CFAP251: variants seen among roughly 807,000 people sequenced by gnomAD.
CFAP251 encodes the protein cilia- and flagella-associated protein 251.
Under a neutral mutation model 126.7 loss-of-function variants are expected in CFAP251, and 93 were observed. The ratio of observed to expected loss-of-function variants is 0.73; its 90% CI spans 0.62 to 0.87. CFAP251 has a LOEUF of 0.87. Ranked by LOEUF, CFAP251 falls within the 40% of genes least tolerant of loss-of-function variation. CFAP251 has a pLI of 0.00. For missense variants in CFAP251, 1,287 were observed against 1,389.2 expected (o/e 0.93, Z 1.17); for synonymous variants, 503 against 506.9 (o/e 0.99, Z 0.10).
At chr12:121,971,517 A>C in intron 17 of CFAP251, 1 of 702,404 alleles carries the variant, frequency 1.4e-6, no homozygotes, top group Non-Finnish European at 2.6e-6. Flanking sequence ...CGGGGCCTGC[A>C]CTGAGTGAGT....
chr12:121,942,441 GA>G, intron 5 of CFAP251, 92 bp from the exon 6 acceptor site: 1 of 747,738 alleles, frequency 1.3e-6, no homozygotes, highest in Non-Finnish European at 2.2e-6. Flanking sequence ...TTCTGTTTTG[GA>G]GAGGTTTGGG....
intron 3 of CFAP251, among the ~76,000 whole-genome samples, chr12:121,931,333 CT>C (rs35299941): frequency 6.6e-6 from 1 of 151,960 alleles, no homozygotes; most frequent in Non-Finnish European, 1.5e-5. Flanking sequence ...CCATCTTAAC[CT>C]TTTTTTCTCA....
chr12:122,001,625 T>C (rs1056930181), intron 21 of CFAP251, 27 bp downstream of exon 21: 4 of 1,569,332 alleles, frequency 2.5e-6, no homozygotes, highest in African/African-American at 1.4e-5. Flanking sequence ...TGTCTGGGCA[T>C]GTAGCTGTGG....
chr12:121,940,893 G>GCA (rs149448528), intron 5 of CFAP251, among the ~76,000 whole-genome samples: 12 of 151,604 alleles, frequency 7.9e-5, no homozygotes, highest in East Asian at 1.9e-4. Flanking sequence ...ACATACACAC[G>GCA]CACACACACA....
At chr12:121,924,555 C>A (rs545163310) in intron 3 of CFAP251, among the ~76,000 whole-genome samples, 1 of 152,002 alleles carries the variant, frequency 6.6e-6, no homozygotes, top group East Asian at 1.9e-4. Context: ...GCCTCAGCCT[C>A]CCAAGTAGCT....
chr12:121,931,383 GC>G (rs1880681453), intron 3 of CFAP251, among the ~76,000 whole-genome samples: 1 of 150,604 alleles, frequency 6.6e-6, no homozygotes, highest in African/African-American at 2.5e-5. Context: ...CGCGATCTCG[GC>G]TCACTGCAAC....
chr12:121,969,646 T>G, intron 17 of CFAP251: 1 of 787,140 alleles, frequency 1.3e-6, no homozygotes, highest in Non-Finnish European at 1.5e-6. Flanking sequence ...CCAATGTGCC[T>G]GGCTAACTTT....
At chr12:121,927,445 G>A (rs1030282767) in intron 3 of CFAP251, among the ~76,000 whole-genome samples, 4 of 151,832 alleles carry the variant, frequency 2.6e-5, no homozygotes, top group South Asian at 2.1e-4. Context: ...TTATAGGCAC[G>A]CACCACCATA....
At chr12:121,948,719 C>CAA (rs940208790) in intron 7 of CFAP251, 187 of 179,272 alleles carry the variant, frequency 1.0e-3, no homozygotes, top group Middle Eastern at 4.0e-3. Context: ...GACTCTGGCT[C>CAA]AAAAAAAAAA....
At chr12:121,945,766 CG>C (rs1881301408) in intron 7 of CFAP251, among the ~76,000 whole-genome samples, 1 of 150,340 alleles carries the variant, frequency 6.7e-6, no homozygotes, top group Admixed American at 6.6e-5. Flanking sequence ...CCTGGGTTCA[CG>C]CCATTCTCCT....
chr12:121,960,172 A>G lies in CFAP251; in HGVS notation c.2134-413A>G, dbSNP rs1442261666. ...AAAAACTAAACTAAAACTAAAATGG[A>G]TATTGTTTTACTACTTGCTTGAATA... On this transcript the variant is annotated intron_variant, in intron 13 of 21. Transcript: ENST00000288912. Among the ~76,000 whole-genome samples, 8 of 152,146 alleles carry G rather than the reference A, an allele frequency of 5.3e-5. No homozygotes were observed. In the South Asian group the frequency reaches 1.2e-3, roughly 24 times the overall value.
chr12:121,978,265 G>A (rs1157010379), intron 19 of CFAP251, among the ~76,000 whole-genome samples: 6 of 150,274 alleles, frequency 4.0e-5, no homozygotes, highest in African/African-American at 7.3e-5. Flanking sequence ...GTGGTGGCGG[G>A]TGCCTATAGT....
chr12:121,945,544 C>T (rs1442139921), intron 7 of CFAP251, among the ~76,000 whole-genome samples: 1 of 151,168 alleles, frequency 6.6e-6, no homozygotes, highest in Non-Finnish European at 1.5e-5. Context: ...GGGGTTTCAC[C>T]ATGTTAGCCA....
chr12:121,974,137 T>C lies in CFAP251; in HGVS notation c.2772-1107T>C, dbSNP rs558929697. On this transcript the variant is annotated intron_variant, in intron 17 of 21. Coordinates refer to ENST00000288912, the MANE Select transcript of CFAP251 (RefSeq NM_144668.6). The surrounding 1 kb of genome is among the most constrained non-coding windows in gnomAD (Gnocchi z 4.6). ...CCCATGCTGTTCCCATGGTAGTGAA[T>C]AAGTCTCATGAGATCTGATGGTTTG... is the stretch of plus-strand genomic sequence containing the variant. 1.7e-4 allele frequency among the ~76,000 whole-genome samples: 26 copies of C among 152,302 alleles called. No homozygotes were observed. The highest frequency in any genetic ancestry group is 6.3e-4 in the African/African-American group (26 of 41,570).
Position 121,999,862 on chromosome 12 carries a change from C to A in CFAP251, c.3153C>A (p.Ser1051Arg), listed in dbSNP as rs373370869. The A allele has an allele frequency of 6.2e-7, 1 of 1,614,174 alleles. No individual in the cohort carries two copies. ...ACACCATGAGTGGCATCCACAAGAG[C>A]TTTGAGGTGCTCGGTTATACCAACT... ...FGNTMSGIHK[S>R]FEVLGYTNSK... The change falls in exon 20 of 22, where the codon AGC (serine) becomes AGA (arginine). Residue 1051 changes from serine (S) to arginine (R), a missense_variant. Transcript: ENST00000288912.
At chr12:121,925,442 GAGTACTC>G (rs1880372452) in intron 3 of CFAP251, among the ~76,000 whole-genome samples, 1 of 152,150 alleles carries the variant, frequency 6.6e-6, no homozygotes, top group Non-Finnish European at 1.5e-5. Context: ...AAGACATAGT[GAGTACTC>G]AGTAAGTGTC....
chr12:122,001,576 G>A lies in CFAP251; in HGVS notation c.3315G>A (p.Glu1105=), dbSNP rs1249585280. 1.2e-6 allele frequency: 2 copies of A among 1,614,112 alleles called. No homozygotes were observed. Among genetic ancestry groups the A allele is most frequent in the East Asian group, 2.2e-5 (1 of 44,886 alleles). Reference sequence around the variant, plus strand: ...TGAATCCCGAGGGATGGAAATCCGAGCCTGCAACCTGCTCCGTCAAAGGTA... The same window carrying A: ...TGAATCCCGAGGGATGGAAATCCGAACCTGCAACCTGCTCCGTCAAAGGTA... ...FGLNPEGWKS[E]PATCSVKGSE... Residue 1105 remains glutamate, a synonymous_variant, in exon 21 of 22, where the codon GAG becomes GAA. Transcript: ENST00000288912.
rs996519667 is a variant in CFAP251, at chr12:121,997,756, T to G, written c.3007-1960T>G. ...GTGTGTAAAGAAATACAATAGTTTG[T>G]TTTTTTTTTTTTGAGTTAGAGTTTT... On this transcript the variant is annotated intron_variant, in intron 19 of 21. Transcript: ENST00000288912. 11 of 142,938 alleles carry G rather than the reference T, an allele frequency of 7.7e-5. No homozygotes were observed. The East Asian group carries it at 1.4e-3, about 18-fold the overall frequency. 8.9% of individuals were successfully genotyped at this position (142,938 alleles called of 1,614,324 possible).
intron 10 of CFAP251, among the ~76,000 whole-genome samples, chr12:121,956,450 C>T (rs1881730520): frequency 1.3e-5 from 2 of 152,112 alleles, no homozygotes; most frequent in South Asian, 4.2e-4. Context: ...ATAAGTATGT[C>T]CCATGCAATA....
Sources: allele counts gnomAD v4.1 joint callset (sites outside exome capture counted in the v4.1 genomes callset), GRCh38; gene constraint gnomAD v4.1.1; non-coding constraint Gnocchi (gnomAD v3.1); transcripts MANE v1.5; gene names NCBI Gene and HGNC (gene_info 2026-07-23, HGNC 2026-07-21).